Variants in TKTL1 observed in about 807,000 individuals in gnomAD.
The protein encoded by TKTL1 is transketolase-like protein 1.
A neutral mutation model predicts 39.3 loss-of-function variants in TKTL1; 1 was observed. The ratio of observed to expected loss-of-function variants is 0.03; its 90% CI spans 0.01 to 0.12. TKTL1 has a LOEUF of 0.12. Among genes scored for constraint, TKTL1 ranks in the 10% least tolerant of loss-of-function variants. TKTL1 has a pLI of 1.00. For synonymous variants in TKTL1, 262 were observed against 193.8 expected (o/e 1.35, Z -2.92); for missense variants, 575 against 509.6 (o/e 1.13, Z -1.24).
chrX:154,298,557 C>T (rs1214875457), intron 1 of TKTL1, among the ~76,000 whole-genome samples: 1 of 111,799 alleles, frequency 8.9e-6, no homozygotes, highest in Non-Finnish European at 1.9e-5. Context: ...GCCAAAAATA[C>T]AACAATTAGC....
At chrX:154,314,430 A>T (rs2067381744) in intron 6 of TKTL1, among the ~76,000 whole-genome samples, 1 of 111,885 alleles carries the variant, frequency 8.9e-6, no homozygotes, top group Non-Finnish European at 1.9e-5. Context: ...TCATGCCAGG[A>T]GATGTAGGAA....
chrX:154,328,951 C>T (rs1171284218), intron 12 of TKTL1, among the ~76,000 whole-genome samples: 1 of 112,468 alleles, frequency 8.9e-6, no homozygotes, highest in East Asian at 2.8e-4. Flanking sequence ...GAAGTGCCTC[C>T]CACGCAGGCT....
intron 8 of TKTL1, among the ~76,000 whole-genome samples, chrX:154,322,229 CAAAAAAAA>C (rs34229834): frequency 1.7e-4 from 7 of 41,861 alleles, no homozygotes; most frequent in Admixed American, 7.3e-4. Flanking sequence ...GAGGCTTTGT[CAAAAAAAA>C]AAAAAAAAAA....
chrX:154,310,211 C>G (rs2067345479), intron 3 of TKTL1, among the ~76,000 whole-genome samples: 1 of 110,904 alleles, frequency 9.0e-6, no homozygotes, highest in Non-Finnish European at 1.9e-5. Flanking sequence ...AATCCCAGCA[C>G]TTTGGGAGGC....
intron 7 of TKTL1, among the ~76,000 whole-genome samples, chrX:154,319,023 AT>A (rs2067428060): frequency 9.0e-6 from 1 of 111,257 alleles, no homozygotes; most frequent in African/African-American, 3.3e-5. Context: ...AATTTTGATT[AT>A]TATTAGCTGG....
At chrX:154,301,600 T>C (rs1368648320) in intron 1 of TKTL1, among the ~76,000 whole-genome samples, 15 of 112,443 alleles carry the variant, frequency 1.3e-4, no homozygotes, top group Admixed American at 1.0e-3. Flanking sequence ...ACCATATATG[T>C]CTGAATTTTT....
At chrX:154,328,099 G>A in intron 12 of TKTL1, 141 bp downstream of exon 12, 1 of 808,591 alleles carries the variant, frequency 1.2e-6, no homozygotes, top group East Asian at 3.2e-5. Flanking sequence ...ACTAAGCGTG[G>A]GGCCATACTC....
intron 10 of TKTL1, chrX:154,327,067 CTT>C (rs1231804582): frequency 4.4e-5 from 8 of 183,585 alleles, no homozygotes; most frequent in South Asian, 2.8e-4. Context: ...GGAACTCTGT[CTT>C]TGCTTGCAGA....
intron 1 of TKTL1, among the ~76,000 whole-genome samples, chrX:154,296,629 G>A (rs1036053519): frequency 9.0e-6 from 1 of 111,541 alleles, no homozygotes; most frequent in African/African-American, 3.3e-5. Flanking sequence ...CAGTTTGAGG[G>A]ATATTGGTCT....
At position 154,295,910 on chromosome X, in the gene TKTL1, C is replaced by G. The variant is rs879988731; in HGVS notation, c.51C>G (p.Asp17Glu). Reference sequence around the variant, plus strand: ...AGTTCCCGGAGGAGGCCAGACCTGACAGGGGCACCTTGCAGGTGTTGCAAG... The same window carrying G: ...AGTTCCCGGAGGAGGCCAGACCTGAGAGGGGCACCTTGCAGGTGTTGCAAG... ...RAEFPEEARP[D>E]RGTLQVLQDM... The change falls in exon 1 of 13, where the codon GAC becomes GAG. Residue 17 changes from aspartate (D) to glutamate (E), a missense_variant. Coordinates refer to ENST00000369915, the MANE Select transcript of TKTL1 (RefSeq NM_012253.4). 2 of 1,211,852 alleles carry G rather than the reference C, an allele frequency of 1.7e-6. No homozygotes were observed. Among genetic ancestry groups the G allele is most frequent in the Non-Finnish European group, 2.2e-6 (2 of 895,344 alleles).
chrX:154,311,163 T>C lies in TKTL1; in HGVS notation c.595T>C (p.Phe199Leu), dbSNP rs781977734. 2.5e-6 allele frequency: 3 copies of C among 1,211,826 alleles called. No individual in the cohort carries two copies. Among genetic ancestry groups the C allele is most frequent in the East Asian group, 3.0e-5 (1 of 33,844 alleles). ...GGACGTGGAGGCACTGTGCCAGGTA[T>C]TCTGGCAGGCTTCTCAGGTGAAGCA... is the stretch of plus-strand genomic sequence containing the variant. ...GRDVEALCQV[F>L]WQASQVKHKP... Residue 199 changes from phenylalanine (F) to leucine (L), a missense_variant, in exon 5 of 13, where the codon TTC becomes CTC. Physicochemically the swap from Phe to Leu is conservative, Grantham distance 22. Coordinates refer to ENST00000369915, the MANE Select transcript of TKTL1 (RefSeq NM_012253.4).
At chrX:154,303,189 A>G (rs1461511311) in intron 1 of TKTL1, among the ~76,000 whole-genome samples, 2 of 89,205 alleles carry the variant, frequency 2.2e-5, no homozygotes, top group African/African-American at 8.4e-5. Context: ...TTATTTATTT[A>G]TTTATTTATT....
chrX:154,295,953 C>T lies in TKTL1; in HGVS notation c.94C>T (p.Arg32Ter). 8.3e-7 allele frequency: 1 copy of T among 1,211,688 alleles called. No homozygotes were observed. The highest frequency in any genetic ancestry group is 1.1e-6 in the Non-Finnish European group (1 of 895,424). Reference sequence around the variant, plus strand: ...GTTGCAAGATATGGCCAGCCGCTTGCGAATCCATTCCATCAGGGCCACATG... The same window carrying T: ...GTTGCAAGATATGGCCAGCCGCTTGTGAATCCATTCCATCAGGGCCACATG... ...QVLQDMASRLRIHSIRATCST... is the reference protein window; with the variant it reads ...QVLQDMASRL The change falls in exon 1 of 13, where the codon CGA becomes TGA. Residue 32 changes from arginine (R) to a stop codon, truncating the protein, a stop_gained. Transcript: ENST00000369915. LOFTEE classifies it high-confidence loss of function.
rs1199798462 is a variant in TKTL1 at position 154,320,739 on chromosome X, A to G, written c.1030-18A>G. ...GCAATGCCCAGGGATGTTCTGATTC[A>G]TGTTCTCTGTGCTGCAGGTGAGCGT... On this transcript the variant is annotated intron_variant, in intron 7 of 12. Coordinates refer to ENST00000369915, the MANE Select transcript of TKTL1 (RefSeq NM_012253.4). 9 of 1,208,068 alleles carry G rather than the reference A, an allele frequency of 7.4e-6. No homozygotes were observed. Among genetic ancestry groups the G allele is most frequent in the Non-Finnish European group, 1.0e-5 (9 of 893,585 alleles).
chrX:154,303,948 A>G (rs1557166599), intron 1 of TKTL1, among the ~76,000 whole-genome samples: 2 of 108,176 alleles, frequency 1.8e-5, no homozygotes, highest in East Asian at 5.8e-4. Flanking sequence ...GTGATTTTCC[A>G]AAGTAGAAAG....
rs146529476 is a variant in TKTL1, at chrX:154,323,280, C to T, written c.1260C>T (p.Phe420=). Residue 420 remains phenylalanine, a synonymous_variant, in exon 9 of 13, where the codon TTC becomes TTT. Transcript: ENST00000369915. ...GAACCATTCCCAAGTGCACGATCTTCTACCCAACTGATGCCGTCTCCACGG... is the reference window on the plus strand; with the variant it reads ...GAACCATTCCCAAGTGCACGATCTTTTACCCAACTGATGCCGTCTCCACGG... ...MFRTIPKCTI[F]YPTDAVSTEH... is the part of the protein sequence containing the mutation. The T allele has an allele frequency of 5.0e-4, 604 of 1,209,874 alleles. 3 individuals carry two copies. In the African/African-American group the frequency reaches 9.3e-3, roughly 19 times the overall value.
Position 154,327,682 on chromosome X carries a change from A to G in TKTL1, c.1493A>G (p.Lys498Arg), listed in dbSNP as rs782008861. The change falls in exon 11 of 13, where the codon AAA becomes AGA. Residue 498 changes from lysine to arginine, a missense_variant. By Grantham distance (26) the Lys-to-Arg change is conservative (BLOSUM62 2). Coordinates refer to ENST00000369915, the MANE Select transcript of TKTL1 (RefSeq NM_012253.4). The stretch of plus-strand genomic sequence containing the variant: ...TTAGCAGCTGCTGATGAGCTTTCGA[A>G]ACAAGGTCAGTTGGTTGAGTATGAG... Reference protein sequence around the residue: ...EALAAADELSKQDIFIRVIDL... With the variant: ...EALAAADELSRQDIFIRVIDL... 18 of 1,208,285 alleles carry G rather than the reference A, an allele frequency of 1.5e-5. No homozygotes were observed. The highest frequency in any genetic ancestry group is 7.8e-6 in the Non-Finnish European group (7 of 893,797).
chrX:154,307,290 C>T (rs2067322723), intron 2 of TKTL1, among the ~76,000 whole-genome samples: 1 of 111,816 alleles, frequency 8.9e-6, no homozygotes, highest in Non-Finnish European at 1.9e-5. Context: ...GATGAAGAGG[C>T]TTTCTATCGG....
intron 1 of TKTL1, among the ~76,000 whole-genome samples, chrX:154,298,554 A>C (rs2067248319): frequency 8.9e-6 from 1 of 111,966 alleles, no homozygotes. Context: ...TCTGCCAAAA[A>C]TACAACAATT....
Sources: allele counts gnomAD v4.1 joint callset (sites outside exome capture counted in the v4.1 genomes callset), GRCh38; gene constraint gnomAD v4.1.1; transcripts MANE v1.5; gene names NCBI Gene and HGNC (gene_info 2026-07-23, HGNC 2026-07-21).